AGMO: variants seen among roughly 807,000 people sequenced by gnomAD.
AGMO encodes the protein glyceryl-ether monooxygenase.
A neutral mutation model predicts 60.2 loss-of-function variants in AGMO; 75 were observed. The observed-to-expected ratio is 1.25, with a 90% CI of 1.03 to 1.51. The LOEUF (loss-of-function observed/expected upper bound fraction) is 1.51. Among genes scored for constraint, AGMO ranks in the 40% most tolerant of loss-of-function variants. The probability of loss-of-function intolerance (pLI) is 0.00; values close to 1 mark genes in which losing one functional copy is unlikely to be tolerated. For synonymous variants in AGMO, 261 were observed against 177.1 expected (o/e 1.47, Z -3.76); for missense variants, 763 against 525.5 (o/e 1.45, Z -4.42).
chr7:15,230,124 C>A (rs573570909), intron 12 of AGMO, among the ~76,000 whole-genome samples: 2 of 151,788 alleles, frequency 1.3e-5, no homozygotes, highest in Non-Finnish European at 2.9e-5. Flanking sequence ...CATTAAAGGA[C>A]TTACAACAAA....
In AGMO at chr7:15,390,861, T is replaced by G. The variant is rs901977634; in HGVS notation, c.721A>C (p.Ile241Leu). The change falls in exon 7 of 13, where the codon ATT (isoleucine) becomes CTT (leucine). Residue 241 changes from isoleucine to leucine, a missense_variant. Transcript: ENST00000342526. Reference protein sequence around the residue: ...CIDKNYAGVLIIWDKIFGTFE... With the variant: ...CIDKNYAGVLLIWDKIFGTFE... The stretch of plus-strand genomic sequence containing the variant: ...TTACCAAAAATTTTATCCCAAATAA[T>G]AAGAACACCAGCATAATTTTTGTCT... 2.5e-6 allele frequency: 4 copies of G among 1,605,364 alleles called. No homozygotes were observed. The highest frequency in any genetic ancestry group is 2.7e-5 in the African/African-American group (2 of 74,712).
intron 12 of AGMO, among the ~76,000 whole-genome samples, chr7:15,249,295 A>C (rs2128505904): frequency 6.6e-6 from 1 of 152,272 alleles, no homozygotes; most frequent in African/African-American, 2.4e-5. Context: ...GGAGTGAAGA[A>C]GTAGCTGACA....
chr7:15,266,379 T>C (rs1783432160), intron 12 of AGMO, among the ~76,000 whole-genome samples: 1 of 151,718 alleles, frequency 6.6e-6, no homozygotes, highest in Non-Finnish European at 1.5e-5. Flanking sequence ...ATGATATGCA[T>C]ATTTTACTGC....
At chr7:15,258,879 A>C (rs959067562) in intron 12 of AGMO, among the ~76,000 whole-genome samples, 3 of 152,158 alleles carry the variant, frequency 2.0e-5, no homozygotes, top group African/African-American at 7.2e-5. Context: ...AAGGAGGAGA[A>C]CACCACAACA....
At chr7:15,186,560 A>G in the AGMO span, among the ~76,000 whole-genome samples, 295 of 152,324 alleles carry the variant, frequency 1.9e-3, 2 homozygotes, top group Non-Finnish European at 3.3e-3. Flanking sequence ...TAGGCTCTAT[A>G]GAGGGTGATG....
At chr7:15,321,358 C>T (rs1044237623) in intron 12 of AGMO, among the ~76,000 whole-genome samples, 1 of 152,280 alleles carries the variant, frequency 6.6e-6, no homozygotes, top group East Asian at 1.9e-4. Flanking sequence ...ATTCCAAACA[C>T]TTCTGACACT....
chr7:15,265,966 T>C (rs1355941304), intron 12 of AGMO, among the ~76,000 whole-genome samples: 1 of 152,088 alleles, frequency 6.6e-6, no homozygotes, highest in East Asian at 1.9e-4. Context: ...GGCAATACAT[T>C]CTGATGTATG....
the AGMO span, among the ~76,000 whole-genome samples, chr7:15,174,919 TAATTC>T: frequency 6.6e-6 from 1 of 151,924 alleles, no homozygotes; most frequent in Non-Finnish European, 1.5e-5. Flanking sequence ...AAGCCAAACT[TAATTC>T]TTTTCTTTTA....
At chr7:15,289,407 A>G (rs1784192864) in intron 12 of AGMO, among the ~76,000 whole-genome samples, 1 of 152,090 alleles carries the variant, frequency 6.6e-6, no homozygotes, top group Non-Finnish European at 1.5e-5. Context: ...TAAAAACAAT[A>G]TTTAATCAAA....
chr7:15,189,181 G>T, the AGMO span, among the ~76,000 whole-genome samples: 1 of 152,038 alleles, frequency 6.6e-6, no homozygotes, highest in African/African-American at 2.4e-5. Flanking sequence ...ACCATCAAAA[G>T]GCTTTAAGAA....
chr7:15,382,516 G>A (rs1486508210), intron 10 of AGMO, among the ~76,000 whole-genome samples: 2 of 152,110 alleles, frequency 1.3e-5, no homozygotes, highest in East Asian at 1.9e-4. Context: ...ATGTGTCTCC[G>A]TGTGTGTTTT....
At chr7:15,274,408 G>A (rs1385500719) in intron 12 of AGMO, among the ~76,000 whole-genome samples, 2 of 152,146 alleles carry the variant, frequency 1.3e-5, no homozygotes, top group Non-Finnish European at 2.9e-5. Context: ...CTGTTTATAT[G>A]CTGGATTACG....
chr7:15,254,152 AC>A (rs1783026617), intron 12 of AGMO, among the ~76,000 whole-genome samples: 1 of 151,982 alleles, frequency 6.6e-6, no homozygotes, highest in South Asian at 2.1e-4. Context: ...GGGCATTTAG[AC>A]TGATTACATA....
At chr7:15,168,583 T>C in the AGMO span, among the ~76,000 whole-genome samples, 1 of 152,234 alleles carries the variant, frequency 6.6e-6, no homozygotes, top group Non-Finnish European at 1.5e-5. Flanking sequence ...CTTGGTCTTC[T>C]TTTGGCTCTG....
the AGMO span, among the ~76,000 whole-genome samples, chr7:15,147,573 G>C: frequency 6.6e-6 from 1 of 152,054 alleles, no homozygotes; most frequent in Non-Finnish European, 1.5e-5. Context: ...ATGAGATTTG[G>C]GTGGGGACAC....
intron 3 of AGMO, among the ~76,000 whole-genome samples, chr7:15,524,729 G>GA (rs397719440): frequency 2.4e-3 from 16 of 6,676 alleles, no homozygotes; most frequent in Admixed American, 0.018. Context: ...CAGGCATGGT[G>GA]CACATGCCTG....
chr7:15,287,328 A>C (rs1784126660), intron 12 of AGMO, among the ~76,000 whole-genome samples: 1 of 152,198 alleles, frequency 6.6e-6, no homozygotes, highest in African/African-American at 2.4e-5. Flanking sequence ...GACTTCTGTA[A>C]CTAGAAATGT....
intron 12 of AGMO, among the ~76,000 whole-genome samples, chr7:15,315,327 G>GTTTTTTTTT (rs1780888195): frequency 1.5e-5 from 1 of 68,844 alleles, no homozygotes; most frequent in African/African-American, 6.1e-5. Context: ...ATGGATATTT[G>GTTTTTTTTT]CTTTTTTTTT....
intron 12 of AGMO, among the ~76,000 whole-genome samples, chr7:15,207,113 A>G (rs564325960): frequency 2.6e-5 from 4 of 152,300 alleles, no homozygotes; most frequent in Admixed American, 6.5e-5. Flanking sequence ...AACTATCACG[A>G]TAACATTTGA....
Sources: gnomAD v4.1 joint callset for allele counts (sites outside exome capture counted in the v4.1 genomes callset) on GRCh38, gnomAD v4.1.1 for gene constraint, MANE v1.5 for transcripts, NCBI Gene and HGNC (gene_info 2026-07-23, HGNC 2026-07-21) for gene names.